Variants in AKR1C3 observed in about 807,000 individuals in gnomAD.
AKR1C3 encodes aldo-keto reductase family 1 member C3.
AKR1C3 carries 48 observed loss-of-function variants against 43.6 expected under a neutral mutation model. The ratio of observed to expected loss-of-function variants is 1.10; its 90% CI spans 0.87 to 1.40. AKR1C3 has a LOEUF of 1.40. Ranked by LOEUF, AKR1C3 falls within the 40% of genes most tolerant of loss-of-function variation. The probability of loss-of-function intolerance (pLI) is 0.00; values close to 1 mark genes in which losing one functional copy is unlikely to be tolerated. For missense variants in AKR1C3, 482 were observed against 391.2 expected (o/e 1.23, Z -1.96); for synonymous variants, 162 against 139.6 (o/e 1.16, Z -1.13).
intron 5 of AKR1C3, among the ~76,000 whole-genome samples, chr10:5,100,824 C>T (rs1203611062): frequency 6.6e-6 from 1 of 152,062 alleles, no homozygotes; most frequent in African/African-American, 2.4e-5. Context: ...AAATAATACA[C>T]GATTCAACAT....
chr10:5,064,991 C>T (rs1440836600), intron 1 of AKR1C3, among the ~76,000 whole-genome samples: 1 of 150,762 alleles, frequency 6.6e-6, no homozygotes, highest in Non-Finnish European at 1.5e-5. Context: ...ATACTTGTGG[C>T]AAACAAGCAT....
chr10:5,097,507 A>G lies in AKR1C3; in HGVS notation c.326A>G (p.Asp109Gly). ...AACTCACTGAAGAAAGCTCAATTGG[A>G]CTATGTTGACCTCTATCTTATTCAT... ...LENSLKKAQL[D>G]YVDLYLIHSP... The change falls in exon 3 of 9, where the codon GAC becomes GGC. Residue 109 changes from aspartate (D) to glycine (G), a missense_variant. Coordinates refer to ENST00000380554, the MANE Select transcript of AKR1C3 (RefSeq NM_003739.6). 6.2e-7 allele frequency: 1 copy of G among 1,613,810 alleles called. No homozygotes were observed. Among genetic ancestry groups the G allele is most frequent in the Non-Finnish European group, 8.5e-7 (1 of 1,179,756 alleles).
At chr10:5,101,275 A>C (rs908969490) in intron 5 of AKR1C3, among the ~76,000 whole-genome samples, 11 of 152,304 alleles carry the variant, frequency 7.2e-5, no homozygotes, top group African/African-American at 2.4e-4. Context: ...AAATTTTCAC[A>C]TATGATTGTG....
chr10:5,092,102 T>A (rs1344348384), upstream of AKR1C3, among the ~76,000 whole-genome samples: 2 of 152,144 alleles, frequency 1.3e-5, no homozygotes, highest in Non-Finnish European at 2.9e-5. Context: ...CCACATTAAA[T>A]GTATTACCTA....
intron 3 of AKR1C3, chr10:5,097,772 T>C: frequency 1.5e-6 from 2 of 1,294,030 alleles, no homozygotes; most frequent in Non-Finnish European, 9.8e-7. Flanking sequence ...CCTCAAAGCC[T>C]CTTCCTCAAA....
intron 1 of AKR1C3, among the ~76,000 whole-genome samples, chr10:5,074,970 G>T (rs531109771): frequency 1.3e-5 from 2 of 152,142 alleles, no homozygotes; most frequent in South Asian, 2.1e-4. Context: ...TCAATATCCC[G>T]CCCTTTCCCC....
chr10:5,071,438 G>A (rs566399911), intron 1 of AKR1C3, among the ~76,000 whole-genome samples: 4 of 152,288 alleles, frequency 2.6e-5, no homozygotes, highest in South Asian at 2.1e-4. Flanking sequence ...CCTTAGAGGC[G>A]TGTCAGTACT....
At chr10:5,089,538 A>G (rs1156243664), upstream of AKR1C3, among the ~76,000 whole-genome samples, 2 of 152,078 alleles carry the variant, frequency 1.3e-5, no homozygotes, top group African/African-American at 2.4e-5. Flanking sequence ...GTCTACTCTC[A>G]AAGATTTAAA....
Position 5,054,020 on chromosome 10 carries a change from G to A in AKR1C3, c.84+5125G>A, listed in dbSNP as rs1397259995. Among the ~76,000 whole-genome samples the A allele has an allele frequency of 1.3e-5, 2 of 152,222 alleles. 1 individual carries two copies. The highest frequency in any genetic ancestry group is 4.8e-5 in the African/African-American group (2 of 41,460). Reference sequence around the variant, plus strand: ...AGAAGCCATGTTGCCCAACTCCAGAGGTTGGTATAAGAATTTGAAAGGCGT... The same window carrying A: ...AGAAGCCATGTTGCCCAACTCCAGAAGTTGGTATAAGAATTTGAAAGGCGT... On this transcript the variant is annotated intron_variant, in intron 1 of 8. Coordinates refer to the AKR1C3 transcript ENST00000439082.
At chr10:5,101,352 TTAGA>T (rs1160677572) in intron 5 of AKR1C3, among the ~76,000 whole-genome samples, 3 of 152,298 alleles carry the variant, frequency 2.0e-5, no homozygotes, top group Non-Finnish European at 4.4e-5. Context: ...TTTGGAGTTT[TTAGA>T]TAATCATTTT....
intron 1 of AKR1C3, among the ~76,000 whole-genome samples, chr10:5,065,950 C>T (rs540218521): frequency 3.3e-5 from 5 of 152,092 alleles, no homozygotes; most frequent in Non-Finnish European, 7.4e-5. Context: ...TTGAGGATCA[C>T]AGAACTCTCA....
chr10:5,076,404 G>GTCTC (rs10612196), intron 1 of AKR1C3, among the ~76,000 whole-genome samples: 1 of 150,540 alleles, frequency 6.6e-6, no homozygotes, highest in Non-Finnish European at 1.5e-5. Flanking sequence ...TGTTCTCTCT[G>GTCTC]TCTCTCTCTC....
chr10:5,069,731 C>T (rs1293393815), intron 1 of AKR1C3, among the ~76,000 whole-genome samples: 1 of 151,988 alleles, frequency 6.6e-6, no homozygotes, highest in Non-Finnish European at 1.5e-5. Context: ...AAAATTAGCC[C>T]AGCATGGTGG....
In AKR1C3 at chr10:5,074,371, G is replaced by C. The variant is rs546558951; in HGVS notation, c.85-22039G>C. Reference sequence around the variant, plus strand: ...AAGAAAGTATTTTGACAAATTTCAAGATGGCTATTCAGAAGGGCAGGAAAT... The same window carrying C: ...AAGAAAGTATTTTGACAAATTTCAACATGGCTATTCAGAAGGGCAGGAAAT... On this transcript the variant is annotated intron_variant, in intron 1 of 8. Transcript: ENST00000439082. 1.2e-4 allele frequency among the ~76,000 whole-genome samples: 18 copies of C among 152,308 alleles called. No individual in the cohort carries two copies. In the South Asian group the frequency reaches 2.3e-3, roughly 19 times the overall value.
rs377162939 is a variant in AKR1C3 at position 5,096,389 on chromosome 10, T to C, written c.85-21T>C. 16 of 1,610,000 alleles carry C rather than the reference T, an allele frequency of 9.9e-6. No individual in the cohort carries two copies. The African/African-American group carries it at 1.9e-4, about 19-fold the overall frequency. ...CTCAGCCACAGTGATCACCAGATACTACCTTTGGTTGCTCCTCCAGGTTCC... is the reference window on the plus strand; with the variant it reads ...CTCAGCCACAGTGATCACCAGATACCACCTTTGGTTGCTCCTCCAGGTTCC... On this transcript the variant is annotated intron_variant, in intron 1 of 8. Transcript: ENST00000380554.
rs1839517896 is a variant in AKR1C3 at position 5,106,951 on chromosome 10, TAGCGAG to T, written c.930-509_930-504del. Among the ~76,000 whole-genome samples, 4 of 139,956 alleles carry T rather than the reference TAGCGAG, an allele frequency of 2.9e-5. No homozygotes were observed. The Admixed American group carries it at 3.0e-4, about 10-fold the overall frequency. 91.8% of individuals were successfully genotyped at this position (139,956 alleles called of 152,430 possible). On this transcript the variant is annotated intron_variant, in intron 8 of 8. Transcript: ENST00000380554. ...GAAACCATGTAAAAGAAAGGAAGAGTAGCGAGCATGAGTAATTCTTATCATCCATTA... is the reference window on the plus strand; with the variant it reads ...GAAACCATGTAAAAGAAAGGAAGAGTCATGAGTAATTCTTATCATCCATTA...
rs1271987739 is a variant in AKR1C3 at position 5,085,584 on chromosome 10, C to T, written c.85-10826C>T. On this transcript the variant is annotated intron_variant, in intron 1 of 8. Transcript: ENST00000439082. Reference sequence around the variant, plus strand: ...GGCTTTGGTATCAGGATGACGCTGGCCTCATTAAATGAGTTAGGGAGGATT... The same window carrying T: ...GGCTTTGGTATCAGGATGACGCTGGTCTCATTAAATGAGTTAGGGAGGATT... Among the ~76,000 whole-genome samples, 56 of 151,926 alleles carry T rather than the reference C, an allele frequency of 3.7e-4. 2 individuals are homozygous for T. The South Asian group carries it at 0.011, about 30-fold the overall frequency.
intron 4 of AKR1C3, among the ~76,000 whole-genome samples, 187 bp downstream of exon 4, chr10:5,099,066 G>A (rs1839284947): frequency 6.6e-6 from 1 of 152,166 alleles, no homozygotes; most frequent in African/African-American, 2.4e-5. Context: ...CACAAGACTT[G>A]GGGGCAAGGA....
intron 1 of AKR1C3, among the ~76,000 whole-genome samples, chr10:5,070,754 GCTAT>G (rs1248175942): frequency 1.3e-5 from 2 of 152,180 alleles, no homozygotes; most frequent in African/African-American, 4.8e-5. Context: ...AAAGAGGACA[GCTAT>G]CTATGAGTCA....
Sources: allele counts gnomAD v4.1 joint callset (sites outside exome capture counted in the v4.1 genomes callset), GRCh38; gene constraint gnomAD v4.1.1; transcripts MANE v1.5; gene names NCBI Gene and HGNC (gene_info 2026-07-23, HGNC 2026-07-21).